The following RBFOX3 variants were observed in gnomAD, a reference collection of about 807,000 sequenced individuals.
RBFOX3 encodes the protein RNA binding fox-1 homolog 3, also known as RNA binding protein fox-1 homolog 3.
Under a neutral mutation model 48.7 loss-of-function variants are expected in RBFOX3, and 17 were observed. That is an observed-to-expected ratio of 0.35 (90% CI 0.24 to 0.52). The LOEUF (loss-of-function observed/expected upper bound fraction) is 0.52, where lower values mean the gene tolerates loss of function less well. Ranked by LOEUF, RBFOX3 falls within the 20% of genes least tolerant of loss-of-function variation. The pLI is 0.94. For synonymous variants in RBFOX3, 212 were observed against 209.5 expected (o/e 1.01, Z -0.10); for missense variants, 382 against 497.5 (o/e 0.77, Z 2.21).
In RBFOX3 at chr17:79,090,105, A is replaced by T. The variant is rs1267093340; in HGVS notation, c.*778T>A. 6.6e-6 allele frequency: 1 copy of T among 152,332 alleles called. No individual in the cohort carries two copies. The highest frequency in any genetic ancestry group is 1.5e-5 in the Non-Finnish European group (1 of 68,128). 9.4% of individuals were successfully genotyped at this position (152,332 alleles called of 1,614,324 possible). On this transcript the variant is annotated 3_prime_UTR_variant, in exon 15 of 15. Coordinates refer to ENST00000693108, the MANE Select transcript of RBFOX3 (RefSeq NM_001350451.2). ...CAGAAAGGGAGAGATGGCCAGGAAG[A>T]GCAAGTAAGTCCTTGGCCTCAGGGC...
intron 1 of RBFOX3, among the ~76,000 whole-genome samples, chr17:79,575,730 G>C (rs1392592552): frequency 2.0e-5 from 3 of 152,244 alleles, no homozygotes; most frequent in Non-Finnish European, 2.9e-5. Flanking sequence ...CGACTTCTGA[G>C]AAAGAGCTAA....
At chr17:79,515,045 T>C (rs990738156) in intron 1 of RBFOX3, among the ~76,000 whole-genome samples, 2 of 152,240 alleles carry the variant, frequency 1.3e-5, no homozygotes, top group Non-Finnish European at 2.9e-5. Context: ...CCTTCGGGTG[T>C]CCTGAGGCAG....
chr17:79,196,618 G>A (rs909800106), intron 4 of RBFOX3, among the ~76,000 whole-genome samples: 13 of 152,174 alleles, frequency 8.5e-5, no homozygotes, highest in African/African-American at 3.1e-4. Context: ...GTGCCCAGAT[G>A]AGACTGCTGA....
intron 2 of RBFOX3, among the ~76,000 whole-genome samples, chr17:79,433,814 G>T (rs2068909498): frequency 6.6e-6 from 1 of 152,192 alleles, no homozygotes; most frequent in Non-Finnish European, 1.5e-5. Flanking sequence ...TAAACCAAGG[G>T]CTCCCGGGGA....
intron 4 of RBFOX3, among the ~76,000 whole-genome samples, chr17:79,211,844 C>A (rs945141078): frequency 6.6e-6 from 1 of 152,214 alleles, no homozygotes; most frequent in East Asian, 1.9e-4. Flanking sequence ...CTCCCTTAAG[C>A]CCTGGACTTT....
rs376987485 is a variant in RBFOX3 at position 79,141,231 on chromosome 17, C to T, written c.-33-25483G>A. Among the ~76,000 whole-genome samples, 149 of 152,226 alleles carry T rather than the reference C, an allele frequency of 9.8e-4. 4 individuals carry two copies. The South Asian group carries it at 0.028, about 29-fold the overall frequency. On this transcript the variant is annotated intron_variant, in intron 4 of 14. Transcript: ENST00000693108. The stretch of plus-strand genomic sequence containing the variant: ...AAAAGACTGGTCTTTCTGCAATAAG[C>T]GAGAGGGCTGAACCTAAGATTAGTG...
chr17:79,144,035 C>A (rs1019005641), intron 4 of RBFOX3, among the ~76,000 whole-genome samples: 1 of 152,230 alleles, frequency 6.6e-6, no homozygotes. Context: ...CAGCTCTGCC[C>A]GTGACACCCT....
At chr17:79,296,134 G>T (rs2074293854) in intron 3 of RBFOX3, among the ~76,000 whole-genome samples, 1 of 152,274 alleles carries the variant, frequency 6.6e-6, no homozygotes, top group African/African-American at 2.4e-5. Flanking sequence ...TTTGCAGGCT[G>T]CTGACACAGC....
chr17:79,458,218 G>A (rs12947772), intron 2 of RBFOX3, among the ~76,000 whole-genome samples: 50,423 of 152,224 alleles, frequency 0.33, 9,294 homozygotes, highest in Admixed American at 0.42. Flanking sequence ...ATGGGACTGC[G>A]CTGCCTGACT....
chr17:79,458,190 C>T (rs970288743), intron 2 of RBFOX3, among the ~76,000 whole-genome samples: 2 of 152,326 alleles, frequency 1.3e-5, no homozygotes, highest in Non-Finnish European at 2.9e-5. Flanking sequence ...AAGCAGTCGG[C>T]GCACACGGTT....
chr17:79,405,147 A>T (rs1237195383), intron 2 of RBFOX3, among the ~76,000 whole-genome samples: 1 of 152,138 alleles, frequency 6.6e-6, no homozygotes, highest in Non-Finnish European at 1.5e-5. Context: ...TCACCAATAT[A>T]TTCGAACATA....
In RBFOX3 at chr17:79,610,938, A is replaced by G. The variant is rs1365421939; in HGVS notation, c.-432T>C. On this transcript the variant is annotated 5_prime_UTR_variant, in exon 1 of 15. Transcript: ENST00000693108. The stretch of plus-strand genomic sequence containing the variant: ...GGGGCCGCACAGGCACCGGCGAGCC[A>G]GCGGCAAGGGGCGCGCGAGGCCGGG... Among the ~76,000 whole-genome samples the G allele has an allele frequency of 0.72, 108,520 of 151,080 alleles. 45,134 individuals are homozygous for G. Among genetic ancestry groups the G allele is most frequent in the Non-Finnish European group, 0.92 (62,135 of 67,636 alleles).
At chr17:79,656,875 A>T in the RBFOX3 span, among the ~76,000 whole-genome samples, 1 of 129,758 alleles carries the variant, frequency 7.7e-6, no homozygotes, top group Non-Finnish European at 1.6e-5. Context: ...GAGGGAGGGA[A>T]GGAAGGAAGG....
At chr17:79,611,312 C>T (rs2093968209), upstream of RBFOX3, among the ~76,000 whole-genome samples, 1 of 134,990 alleles carries the variant, frequency 7.4e-6, no homozygotes, top group Non-Finnish European at 1.5e-5. Context: ...CAGCGCGCGG[C>T]ATGGGAGGGG....
upstream of RBFOX3, among the ~76,000 whole-genome samples, chr17:79,615,922 G>C (rs1226779625): frequency 6.6e-6 from 1 of 152,114 alleles, no homozygotes; most frequent in Non-Finnish European, 1.5e-5. Context: ...CTTCTCCCAG[G>C]CTCCTCCGTC....
At chr17:79,130,787 G>T (rs1469724886) in intron 4 of RBFOX3, among the ~76,000 whole-genome samples, 1 of 152,248 alleles carries the variant, frequency 6.6e-6, no homozygotes, top group Non-Finnish European at 1.5e-5. Context: ...TTCAGCCCGG[G>T]CTTGGTGCGG....
In RBFOX3 at chr17:79,097,350, C is replaced by G. The variant is rs866877639; in HGVS notation, c.697G>C (p.Ala233Pro). The G allele has an allele frequency of 6.5e-7, 1 of 1,548,752 alleles. No homozygotes were observed. Among genetic ancestry groups the G allele is most frequent in the African/African-American group, 1.4e-5 (1 of 72,984 alleles). ...RGAHLRGRGR[A>P]VYNTFRAAPP... The stretch of plus-strand genomic sequence containing the variant: ...GCAGCCCGAAATGTATTATACACGG[C>G]CCGGCCCCGGCCCCGAAGATGTGCG... Residue 233 changes from alanine to proline, a missense_variant, in exon 11 of 15, where the codon GCC (alanine) becomes CCC (proline). Ala to Pro is a conservative substitution (Grantham distance 27). Transcript: ENST00000693108.
At chr17:79,278,634 C>G (rs375457618) in intron 3 of RBFOX3, among the ~76,000 whole-genome samples, 1 of 152,254 alleles carries the variant, frequency 6.6e-6, no homozygotes, top group East Asian at 1.9e-4. Context: ...GAGATCTGCC[C>G]TGCCAGCGGC....
At position 79,443,658 on chromosome 17, in the gene RBFOX3, C is replaced by T. The variant is rs782065451; in HGVS notation, c.-175+38796G>A. 6.6e-6 allele frequency among the ~76,000 whole-genome samples: 1 copy of T among 152,244 alleles called. No individual in the cohort carries two copies. The highest frequency in any genetic ancestry group is 1.5e-5 in the Non-Finnish European group (1 of 68,052). ...TCGGCCTCCCAAAGTGCTGGGATTA[C>T]AGGCATGAGCCACCGCACCCTCTTG... is the stretch of plus-strand genomic sequence containing the variant. On this transcript the variant is annotated intron_variant, in intron 2 of 14. Transcript: ENST00000693108. This position sits in a 1 kb window ranked among gnomAD's most constrained non-coding sequence, Gnocchi z 4.4.
Sources: gnomAD v4.1 joint callset for allele counts (sites outside exome capture counted in the v4.1 genomes callset) on GRCh38, gnomAD v4.1.1 for gene constraint, Gnocchi (gnomAD v3.1) non-coding constraint, MANE v1.5 for transcripts, NCBI Gene and HGNC (gene_info 2026-07-23, HGNC 2026-07-21) for gene names.